Variants in FOXJ3 observed in about 807,000 individuals in gnomAD.
FOXJ3 encodes forkhead box J3, also known as forkhead box protein J3.
In FOXJ3, 22 loss-of-function variants were observed where a neutral mutation model predicts 76.1. The ratio of observed to expected loss-of-function variants is 0.29; its 90% CI spans 0.21 to 0.41. The LOEUF (loss-of-function observed/expected upper bound fraction) is 0.41, where lower values mean the gene tolerates loss of function less well. Among genes scored for constraint, FOXJ3 ranks in the 10% least tolerant of loss-of-function variants. The pLI, the probability that FOXJ3 is intolerant of heterozygous loss-of-function variation, is 1.00. For synonymous variants in FOXJ3, 269 were observed against 261.2 expected, an observed-to-expected ratio of 1.03 and a Z score of -0.29; for missense variants, 613 against 762.1, an observed-to-expected ratio of 0.80 and a Z score of 2.30.
At chr1:42,275,452 T>C (rs1035023924) in intron 3 of FOXJ3, among the ~76,000 whole-genome samples, 2 of 152,060 alleles carry the variant, frequency 1.3e-5, no homozygotes, top group African/African-American at 4.8e-5. Context: ...TCCCGGCACT[T>C]TGGGAAGCAG....
chr1:42,220,381 A>C (rs763377975), intron 5 of FOXJ3, among the ~76,000 whole-genome samples: 11 of 152,198 alleles, frequency 7.2e-5, no homozygotes, highest in Non-Finnish European at 1.5e-4. Context: ...TTGAAAATCC[A>C]GGAGGCTGCA....
intron 3 of FOXJ3, among the ~76,000 whole-genome samples, chr1:42,266,975 T>G (rs1445554031): frequency 1.3e-5 from 2 of 152,006 alleles, no homozygotes; most frequent in Admixed American, 6.6e-5. Flanking sequence ...AGCAAATCCC[T>G]TGAACTCTGG....
intron 10 of FOXJ3, 124 bp from the exon 11 acceptor site, chr1:42,189,052 T>C: frequency 1.6e-6 from 1 of 638,464 alleles, no homozygotes; most frequent in Admixed American, 3.2e-5. Context: ...GGTAGTGATT[T>C]ATCCACGCAA....
intron 2 of FOXJ3, among the ~76,000 whole-genome samples, chr1:42,285,570 C>T (rs1388210255): frequency 6.6e-6 from 1 of 152,160 alleles, no homozygotes; most frequent in Non-Finnish European, 1.5e-5. Flanking sequence ...CTCCCCAAGG[C>T]TTATCAACGA....
chr1:42,220,895 G>T (rs923620034), intron 5 of FOXJ3, among the ~76,000 whole-genome samples: 1 of 152,110 alleles, frequency 6.6e-6, no homozygotes, highest in Non-Finnish European at 1.5e-5. Context: ...TTCTCAAAAG[G>T]AAAGTCTCCT....
Position 42,259,431 on chromosome 1 carries a change from AG to A in FOXJ3, c.444+5683del, listed in dbSNP as rs547564160. Among the ~76,000 whole-genome samples, 40 of 152,296 alleles carry A rather than the reference AG, an allele frequency of 2.6e-4. 1 individual carries two copies. The East Asian group carries it at 7.7e-3, about 29-fold the overall frequency. On this transcript the variant is annotated intron_variant, in intron 4 of 12. Transcript: ENST00000361346. ...TTTTAAAGTAGTTTAGATCTGGAAA[AG>A]AAAAAAGAGGCCAACAACAACAAAA... is the stretch of plus-strand genomic sequence containing the variant.
chr1:42,237,160 G>A (rs757184856), intron 4 of FOXJ3, among the ~76,000 whole-genome samples: 8 of 151,864 alleles, frequency 5.3e-5, no homozygotes, highest in African/African-American at 9.7e-5. Context: ...TGGATCACGA[G>A]GTAAGGAGAT....
chr1:42,186,480 G>C, intron 11 of FOXJ3, among the ~76,000 whole-genome samples: 1 of 152,076 alleles, frequency 6.6e-6, no homozygotes, highest in East Asian at 1.9e-4. Flanking sequence ...GAATCACGAA[G>C]GTGTCATCGG....
rs1003207846 is a variant in FOXJ3 at position 42,273,829 on chromosome 1, A to T, written c.369+4519T>A. Reference sequence around the variant, plus strand: ...CAGAATTAGTTGACAACAGTTAAAAATTTGAAAATTACACACAAAATCCAG... The same window carrying T: ...CAGAATTAGTTGACAACAGTTAAAATTTTGAAAATTACACACAAAATCCAG... On this transcript the variant is annotated intron_variant, in intron 3 of 12. Transcript: ENST00000361346. Among the ~76,000 whole-genome samples, 12 of 152,272 alleles carry T rather than the reference A, an allele frequency of 7.9e-5. No homozygotes were observed. In the East Asian group the frequency reaches 2.3e-3, roughly 29 times the overall value.
rs567403356 is a variant in FOXJ3 at position 42,273,245 on chromosome 1, T to C, written c.369+5103A>G. Among the ~76,000 whole-genome samples the C allele has an allele frequency of 1.2e-4, 18 of 152,352 alleles. No homozygotes were observed. In the South Asian group the frequency reaches 3.5e-3, roughly 30 times the overall value. ...CACAGCATAATTACTTGTTTATATG[T>C]ATTCTTCTCATCTAATAAAGATTGT... On this transcript the variant is annotated intron_variant, in intron 3 of 12. Coordinates refer to ENST00000361346, the MANE Select transcript of FOXJ3 (RefSeq NM_014947.5).
chr1:42,323,719 G>T, intron 1 of FOXJ3: 1 of 978,056 alleles, frequency 1.0e-6, no homozygotes, highest in Non-Finnish European at 1.2e-6. Flanking sequence ...ACAGTGTCTT[G>T]CATGCACAGG....
At position 42,227,951 on chromosome 1, in the gene FOXJ3, T is replaced by G. The variant is rs756561428; in HGVS notation, c.460A>C (p.Ile154Leu). The G allele has an allele frequency of 1.9e-6, 3 of 1,562,276 alleles. No homozygotes were observed. In the East Asian group the frequency reaches 6.8e-5, roughly 35 times the overall value. Residue 154 changes from isoleucine (I) to leucine (L), a missense_variant, in exon 5 of 13, where the codon ATA becomes CTA. Transcript: ENST00000361346. ...ACATCTTCCTTCGGATTGGTGTCTA[T>G]TGCCCAGTAGGACCCCTAGAGGTAA... ...DDPGKGSYWAIDTNPKEDVLP... is the reference protein window; with the variant it reads ...DDPGKGSYWALDTNPKEDVLP...
At chr1:42,277,304 C>G (rs1032939542) in intron 3 of FOXJ3, among the ~76,000 whole-genome samples, 2 of 151,770 alleles carry the variant, frequency 1.3e-5, no homozygotes, top group Non-Finnish European at 2.9e-5. Context: ...ATTAGCTGGC[C>G]ATGGTGGCGT....
intron 1 of FOXJ3, among the ~76,000 whole-genome samples, chr1:42,312,443 T>G (rs1247988284): frequency 6.6e-6 from 1 of 152,212 alleles, no homozygotes; most frequent in East Asian, 1.9e-4. Flanking sequence ...AGAAGGTGAT[T>G]GAAGTCCCTG....
chr1:42,222,947 C>G (rs1464153753), intron 5 of FOXJ3, among the ~76,000 whole-genome samples: 3 of 152,170 alleles, frequency 2.0e-5, no homozygotes. Flanking sequence ...ACCTATGAAG[C>G]CTTCTCAGAC....
intron 4 of FOXJ3, 51 bp from the exon 5 acceptor site, chr1:42,228,017 T>C (rs374219164): frequency 3.8e-5 from 35 of 920,364 alleles, no homozygotes; most frequent in Non-Finnish European, 5.2e-5. Flanking sequence ...ACCTATGATA[T>C]TAAAATGGAT....
At chr1:42,216,103 G>T (rs1299853161) in intron 5 of FOXJ3, among the ~76,000 whole-genome samples, 1 of 152,174 alleles carries the variant, frequency 6.6e-6, no homozygotes, top group Admixed American at 6.5e-5. Context: ...AAGTGAATTT[G>T]TTGCTAGGAG....
intron 5 of FOXJ3, among the ~76,000 whole-genome samples, chr1:42,219,215 G>A (rs901721528): frequency 6.6e-6 from 1 of 152,222 alleles, no homozygotes; most frequent in African/African-American, 2.4e-5. Flanking sequence ...ATAAAATCTT[G>A]TGTCACCCCA....
chr1:42,299,769 G>A (rs1654017291), intron 2 of FOXJ3, among the ~76,000 whole-genome samples: 1 of 152,052 alleles, frequency 6.6e-6, no homozygotes, highest in African/African-American at 2.4e-5. Context: ...TTAGCCAGGT[G>A]TGGTGGTACA....
Sources: allele counts gnomAD v4.1 joint callset (sites outside exome capture counted in the v4.1 genomes callset), GRCh38; gene constraint gnomAD v4.1.1; transcripts MANE v1.5; gene names NCBI Gene and HGNC (gene_info 2026-07-23, HGNC 2026-07-21).